Variants in BAZ1B observed in about 807,000 individuals in gnomAD.
BAZ1B encodes the protein tyrosine-protein kinase BAZ1B.
In BAZ1B, 22 loss-of-function variants were observed where a neutral mutation model predicts 153.8. The observed-to-expected ratio is 0.14, with a 90% CI of 0.10 to 0.20. BAZ1B has a LOEUF of 0.20. Among genes scored for constraint, BAZ1B ranks in the 10% least tolerant of loss-of-function variants. The pLI is 1.00. For missense variants in BAZ1B, 1,325 were observed against 1,799.3 expected (o/e 0.74, Z 4.77); for synonymous variants, 676 against 633.4 (o/e 1.07, Z -1.01).
chr7:73,464,133 CA>C (rs1788491637), intron 11 of BAZ1B: 1 of 984,406 alleles, frequency 1.0e-6, no homozygotes, highest in Non-Finnish European at 1.2e-6. Context: ...TTGTCCTTCG[CA>C]AAAGTCTGGC....
chr7:73,512,188 A>G (rs1486947655), intron 1 of BAZ1B, among the ~76,000 whole-genome samples: 1 of 152,070 alleles, frequency 6.6e-6, no homozygotes, highest in Non-Finnish European at 1.5e-5. Context: ...GTTACTTCTT[A>G]GGGTTTACAA....
At position 73,478,293 on chromosome 7, in the gene BAZ1B, G is replaced by A. The variant is rs782061375; in HGVS notation, c.1168C>T (p.Pro390Ser). The change falls in exon 7 of 20, where the codon CCT becomes TCT. Residue 390 changes from proline to serine, a missense_variant. Around this residue, in one of 9 missense-constraint regions of BAZ1B, gnomAD observed 219 missense variants for 248.2 expected, o/e 0.88. Coordinates refer to ENST00000339594, the MANE Select transcript of BAZ1B (RefSeq NM_032408.4). ...CTGTGCTTCCCTGGTTTCTTGGCAG[G>A]TGGGCCTTTTTTAGGAATGTGAAAG... The part of the protein sequence containing the change: ...TNFHIPKKGP[P>S]AKKPGKHSDK... The A allele has an allele frequency of 6.2e-7, 1 of 1,614,168 alleles. No individual in the cohort carries two copies. Among genetic ancestry groups the A allele is most frequent in the South Asian group, 1.1e-5 (1 of 91,084 alleles).
chr7:73,519,979 G>A (rs1339799126), intron 1 of BAZ1B, among the ~76,000 whole-genome samples: 1 of 152,102 alleles, frequency 6.6e-6, no homozygotes, highest in Non-Finnish European at 1.5e-5. Flanking sequence ...AGGCCGAGAT[G>A]GGCGGATCAC....
At chr7:73,475,923 C>CA (rs34851345) in intron 7 of BAZ1B, among the ~76,000 whole-genome samples, 44,097 of 113,690 alleles carry the variant, frequency 0.39, 9,206 homozygotes, top group East Asian at 0.51. Context: ...GACTCCATCT[C>CA]AAAAAAAAAA....
intron 15 of BAZ1B, 39 bp from the exon 16 acceptor site, chr7:73,447,418 G>C (rs782307197): frequency 6.3e-5 from 99 of 1,578,908 alleles, no homozygotes; most frequent in Non-Finnish European, 8.3e-5. Flanking sequence ...CACAGTTTTA[G>C]CCCAAAGTGG....
At chr7:73,499,118 T>C (rs527757247) in intron 3 of BAZ1B, among the ~76,000 whole-genome samples, 5 of 152,156 alleles carry the variant, frequency 3.3e-5, no homozygotes, top group Non-Finnish European at 7.4e-5. Context: ...CTCCGCTTCC[T>C]GGGTTCAAGC....
chr7:73,512,358 C>T (rs143761745), intron 1 of BAZ1B, among the ~76,000 whole-genome samples: 38 of 151,474 alleles, frequency 2.5e-4, no homozygotes, highest in African/African-American at 7.3e-4. Context: ...ATGTGTGGCC[C>T]GAGACAATTC....
intron 1 of BAZ1B, among the ~76,000 whole-genome samples, chr7:73,513,387 T>C (rs544287156): frequency 1.3e-5 from 2 of 152,350 alleles, no homozygotes; most frequent in East Asian, 3.9e-4. Flanking sequence ...TTGTGGATCT[T>C]TCCCCAGATC....
chr7:73,453,071 T>C (rs1788075082), intron 13 of BAZ1B, among the ~76,000 whole-genome samples: 1 of 152,214 alleles, frequency 6.6e-6, no homozygotes, highest in Non-Finnish European at 1.5e-5. Flanking sequence ...GAATCCTAGA[T>C]TAGAGACTGA....
intron 15 of BAZ1B, among the ~76,000 whole-genome samples, chr7:73,448,079 CG>C (rs1787902883): frequency 6.6e-6 from 1 of 152,106 alleles, no homozygotes; most frequent in Non-Finnish European, 1.5e-5. Context: ...CTGAGGCAGG[CG>C]GATCACCTAA....
At chr7:73,505,961 A>C (rs1790321789) in intron 3 of BAZ1B, among the ~76,000 whole-genome samples, 1 of 152,204 alleles carries the variant, frequency 6.6e-6, no homozygotes, top group Non-Finnish European at 1.5e-5. Flanking sequence ...GTATGTATCA[A>C]CCTCAACATG....
At chr7:73,501,575 C>T (rs1790134769) in intron 3 of BAZ1B, among the ~76,000 whole-genome samples, 1 of 152,140 alleles carries the variant, frequency 6.6e-6, no homozygotes, top group Non-Finnish European at 1.5e-5. Flanking sequence ...GAATACCCTA[C>T]AATGCACAGG....
intron 6 of BAZ1B, 126 bp downstream of exon 6, chr7:73,489,068 C>T (rs1351312199): frequency 4.1e-6 from 4 of 981,258 alleles, no homozygotes; most frequent in Non-Finnish European, 5.9e-6. Context: ...ACAGATATAC[C>T]TGAAAAATTT....
chr7:73,521,735 C>A, intron 1 of BAZ1B, 92 bp downstream of exon 1: 1 of 1,108,324 alleles, frequency 9.0e-7, no homozygotes. Context: ...TGCCCCGGGC[C>A]GGGGATGCGC....
chr7:73,501,597 T>G (rs1790135609), intron 3 of BAZ1B, among the ~76,000 whole-genome samples: 1 of 152,150 alleles, frequency 6.6e-6, no homozygotes, highest in African/African-American at 2.4e-5. Context: ...CAGCACCCAC[T>G]AGAATCATCT....
In BAZ1B at chr7:73,465,300, G is replaced by A. The variant is rs145011484; in HGVS notation, c.3071+139C>T. The A allele has an allele frequency of 9.5e-6, 5 of 525,020 alleles. No homozygotes were observed. In the East Asian group the frequency reaches 1.6e-4, roughly 17 times the overall value. 32.5% of individuals were successfully genotyped at this position (525,020 alleles called of 1,614,324 possible). A position where few individuals can be genotyped will look rare whatever the true frequency, so the allele number is the denominator to read the frequency against. On this transcript the variant is annotated intron_variant, in intron 11 of 19. Transcript: ENST00000339594. ...GCATAATATGCCAAGAAAATACCAG[G>A]CAATATGAACACAAAACGGTTACAC... is the stretch of plus-strand genomic sequence containing the variant.
At position 73,477,709 on chromosome 7, in the gene BAZ1B, C is replaced by T. The variant is rs782153330; in HGVS notation, c.1752G>A (p.Glu584=). 1.2e-5 allele frequency: 20 copies of T among 1,614,096 alleles called. No homozygotes were observed. Among genetic ancestry groups the T allele is most frequent in the Non-Finnish European group, 1.7e-5 (20 of 1,180,046 alleles). The change falls in exon 7 of 20, where the codon GAG becomes GAA. Residue 584 remains glutamate, a synonymous_variant. Coordinates refer to ENST00000339594, the MANE Select transcript of BAZ1B (RefSeq NM_032408.4). The surrounding 1 kb of genome is among the most constrained non-coding windows in gnomAD (Gnocchi z 5.6). ...LEKQKRYEDQ[E]LTGKNLPAFR... is the part of the protein sequence containing the mutation. ...ATGCTGGAAGGTTTTTGCCAGTTAA[C>T]TCTTGGTCCTCATACCGCTTCTGTT...
At chr7:73,463,985 C>T (rs1410570838) in intron 11 of BAZ1B, 13 of 368,214 alleles carry the variant, frequency 3.5e-5, no homozygotes, top group Admixed American at 6.4e-5. Context: ...GGATTACAGG[C>T]GTGAGCCACC....
intron 4 of BAZ1B, among the ~76,000 whole-genome samples, chr7:73,497,081 A>AAAC (rs1554576473): frequency 6.6e-6 from 1 of 150,436 alleles, no homozygotes; most frequent in African/African-American, 2.5e-5. Flanking sequence ...AAAAAAAAAA[A>AAAC]AACCTACAAA....
Sources: allele counts gnomAD v4.1 joint callset (sites outside exome capture counted in the v4.1 genomes callset), GRCh38; gene constraint gnomAD v4.1.1; regional missense constraint gnomAD v4.1.1; non-coding constraint Gnocchi (gnomAD v3.1); transcripts MANE v1.5; gene names NCBI Gene and HGNC (gene_info 2026-07-23, HGNC 2026-07-21).